The following ARHGEF10 variants were observed in gnomAD, a reference collection of about 807,000 sequenced individuals.
The protein encoded by ARHGEF10 is Rho guanine nucleotide exchange factor (GEF) 10.
In ARHGEF10, 140 loss-of-function variants were observed where a neutral mutation model predicts 147.4. The ratio of observed to expected loss-of-function variants is 0.95; its 90% confidence interval spans 0.83 to 1.09. The LOEUF is 1.09. ARHGEF10 is among the 50% of genes least tolerant of loss of function. ARHGEF10 has a pLI of 0.00. For missense variants in ARHGEF10, 2,222 were observed against 1,752.7 expected, an observed-to-expected ratio of 1.27 and a Z score of -4.78; for synonymous variants, 902 against 695.8, an observed-to-expected ratio of 1.30 and a Z score of -4.67.
rs186148448 is a variant in ARHGEF10, at chr8:1,944,722, C to T, written c.3223-759C>T. On this transcript the variant is annotated intron_variant, in intron 26 of 28. Transcript: ENST00000349830. Reference sequence around the variant, plus strand: ...TGTGAGGCTGCTGGTTCCTGGGGCACGCAGTGTCTCTAAGCTTCATCCCAG... The same window carrying T: ...TGTGAGGCTGCTGGTTCCTGGGGCATGCAGTGTCTCTAAGCTTCATCCCAG... 3.9e-3 allele frequency among the ~76,000 whole-genome samples: 594 copies of T among 152,336 alleles called. 11 individuals carry two copies. The highest frequency in any genetic ancestry group is 2.8e-3 in the Non-Finnish European group (189 of 68,018).
Position 1,928,653 on chromosome 8 carries a change from A to T in ARHGEF10, c.2921+3A>T. 9 of 1,614,000 alleles carry T rather than the reference A, an allele frequency of 5.6e-6. No homozygotes were observed. The highest frequency in any genetic ancestry group is 7.6e-6 in the Non-Finnish European group (9 of 1,180,000). On this transcript the variant is annotated splice_donor_region_variant and intron_variant, in intron 24 of 28. Transcript: ENST00000349830. ...TGTGTAGGGACGGAGGAGGGAAGGT[A>T]GGGCATGCTCACTGCGTTACAGAGA...
At chr8:1,832,063 G>T (rs1485174953) in intron 1 of ARHGEF10, among the ~76,000 whole-genome samples, 1 of 152,182 alleles carries the variant, frequency 6.6e-6, no homozygotes, top group Non-Finnish European at 1.5e-5. Flanking sequence ...TGACTGTGGG[G>T]CTGGAGGAGC....
At chr8:1,900,230 G>A (rs1200061104) in intron 15 of ARHGEF10, among the ~76,000 whole-genome samples, 1 of 152,198 alleles carries the variant, frequency 6.6e-6, no homozygotes, top group Non-Finnish European at 1.5e-5. Context: ...CTTTTAGACA[G>A]AAGGGGTGGG....
rs1031545845 is a variant in ARHGEF10, at chr8:1,937,932, C to T, written c.3222+3990C>T. 7.9e-5 allele frequency among the ~76,000 whole-genome samples: 12 copies of T among 152,152 alleles called. No individual in the cohort carries two copies. Among genetic ancestry groups the T allele is most frequent in the African/African-American group, 2.2e-4 (9 of 41,420 alleles). On this transcript the variant is annotated intron_variant, in intron 26 of 28. Coordinates refer to ENST00000349830, the MANE Select transcript of ARHGEF10 (RefSeq NM_014629.4). The surrounding 1 kb of genome is among the most constrained non-coding windows in gnomAD (Gnocchi z 4.9). ...TGTGCCAGTGGAGGAGTCAGCATAC[C>T]GGTGGGGGTGGCTGGCCCCGTCCCA...
At chr8:1,865,343 C>A (rs538768975) in intron 5 of ARHGEF10, among the ~76,000 whole-genome samples, 17 of 150,202 alleles carry the variant, frequency 1.1e-4, no homozygotes, top group African/African-American at 4.2e-4. Context: ...ACAGGGCATC[C>A]CCCAGCACCC....
intron 4 of ARHGEF10, among the ~76,000 whole-genome samples, chr8:1,863,110 T>C (rs1806286709): frequency 2.0e-5 from 3 of 152,166 alleles, no homozygotes. Context: ...TTTGAGGCAG[T>C]GTGGCAGTGT....
chr8:1,850,642 C>G (rs969549826), intron 2 of ARHGEF10, among the ~76,000 whole-genome samples: 2 of 152,132 alleles, frequency 1.3e-5, no homozygotes, highest in Non-Finnish European at 2.9e-5. Flanking sequence ...AGTTTGGTGG[C>G]TTCTTCAAAC....
At chr8:1,844,049 T>G (rs1804309666) in intron 2 of ARHGEF10, among the ~76,000 whole-genome samples, 1 of 152,242 alleles carries the variant, frequency 6.6e-6, no homozygotes, top group Admixed American at 6.5e-5. Context: ...TGGCAGGTCG[T>G]CTGCAGGGCC....
At chr8:1,922,856 C>A (rs867422668) in intron 18 of ARHGEF10, 108 bp from the exon 19 acceptor site, 1 of 761,480 alleles carries the variant, frequency 1.3e-6, no homozygotes, top group Non-Finnish European at 2.2e-6. Flanking sequence ...TAGATTCACC[C>A]CTCAACTTAA....
chr8:1,836,331 G>A (rs1201711333), intron 1 of ARHGEF10, among the ~76,000 whole-genome samples: 1 of 152,220 alleles, frequency 6.6e-6, no homozygotes, highest in African/African-American at 2.4e-5. Context: ...TGGGGATAGA[G>A]TGTTTTGAAA....
intron 9 of ARHGEF10, among the ~76,000 whole-genome samples, chr8:1,882,341 T>TTAG (rs1198636476): frequency 6.6e-6 from 1 of 152,194 alleles, no homozygotes; most frequent in East Asian, 1.9e-4. Flanking sequence ...TTTGTGCATG[T>TTAG]TAGTGACTCA....
chr8:1,867,980 C>G (rs1806764676), intron 6 of ARHGEF10, among the ~76,000 whole-genome samples: 1 of 152,188 alleles, frequency 6.6e-6, no homozygotes, highest in Non-Finnish European at 1.5e-5. Context: ...TGGCTGTTTG[C>G]TAACAGTTTT....
At chr8:1,870,232 G>GTTT (rs1806993877) in intron 7 of ARHGEF10, 3 of 107,280 alleles carry the variant, frequency 2.8e-5, no homozygotes, top group Admixed American at 9.4e-5. Flanking sequence ...TCTTGTTACC[G>GTTT]ATTTTTTTTT....
intron 18 of ARHGEF10, among the ~76,000 whole-genome samples, chr8:1,914,784 G>T (rs61338624): frequency 0.081 from 12,307 of 152,212 alleles, 616 homozygotes; most frequent in African/African-American, 0.15. Context: ...CCTGTATGGC[G>T]TGTGGATTTG....
chr8:1,897,496 C>A lies in ARHGEF10; in HGVS notation c.1558-937C>A, dbSNP rs112614778. Among the ~76,000 whole-genome samples, 711 of 117,788 alleles carry A rather than the reference C, an allele frequency of 6.0e-3. 2 individuals are homozygous for A. The highest frequency in any genetic ancestry group is 0.016 in the South Asian group (48 of 2,942). The allele number at this position is 117,788 out of a possible 152,430, so 77.3% of individuals were successfully genotyped here. A position where few individuals can be genotyped will look rare whatever the true frequency, so the allele number is the denominator to read the frequency against. On this transcript the variant is annotated intron_variant, in intron 14 of 28. Transcript: ENST00000349830. ...CCTAAGGGATCGGATCGCAGTTCCC[C>A]CTCTGGACAGCTGTGGGCTCTGTCC...
At chr8:1,939,399 G>A (rs920627010) in intron 26 of ARHGEF10, among the ~76,000 whole-genome samples, 3 of 152,212 alleles carry the variant, frequency 2.0e-5, no homozygotes, top group Admixed American at 2.0e-4. Context: ...ACACAGGCCC[G>A]GCTCTCAGTC....
chr8:1,876,474 C>A, intron 7 of ARHGEF10, 97 bp from the exon 8 acceptor site: 2 of 1,278,096 alleles, frequency 1.6e-6, no homozygotes, highest in Non-Finnish European at 2.3e-6. Flanking sequence ...TCCTTCCACC[C>A]CCAGCTCTAG....
chr8:1,916,200 G>A (rs183963788), intron 18 of ARHGEF10, among the ~76,000 whole-genome samples: 1 of 152,072 alleles, frequency 6.6e-6, no homozygotes, highest in Non-Finnish European at 1.5e-5. Flanking sequence ...CTCTCTCTGT[G>A]TCCTAAGTGC....
intron 28 of ARHGEF10, among the ~76,000 whole-genome samples, chr8:1,956,388 G>A (rs902979516): frequency 3.9e-5 from 6 of 152,070 alleles, no homozygotes; most frequent in African/African-American, 9.7e-5. Context: ...TCAAGACTTA[G>A]GAAAATTTGG....
Sources: allele counts gnomAD v4.1 joint callset (sites outside exome capture counted in the v4.1 genomes callset), GRCh38; gene constraint gnomAD v4.1.1; non-coding constraint Gnocchi (gnomAD v3.1); transcripts MANE v1.5; gene names NCBI Gene and HGNC (gene_info 2026-07-23, HGNC 2026-07-21).